The following BSN variants were observed in gnomAD, a reference collection of about 807,000 sequenced individuals.
BSN encodes the protein protein bassoon.
In BSN, 57 loss-of-function variants were observed where a neutral mutation model predicts 264.8. The ratio of observed to expected loss-of-function variants is 0.22; its 90% CI spans 0.17 to 0.27. The LOEUF (loss-of-function observed/expected upper bound fraction) is 0.27. Among genes scored for constraint, BSN ranks in the 10% least tolerant of loss-of-function variants. BSN has a pLI of 1.00. For synonymous variants in BSN, 2,059 were observed against 2,137.3 expected, an observed-to-expected ratio of 0.96 and a Z score of 1.01; for missense variants, 4,615 against 5,232.5, an observed-to-expected ratio of 0.88 and a Z score of 3.64.
intron 1 of BSN, among the ~76,000 whole-genome samples, chr3:49,601,969 C>T (rs892746843): frequency 2.6e-5 from 4 of 152,184 alleles, no homozygotes; most frequent in African/African-American, 9.7e-5. Flanking sequence ...AGCTCACCAT[C>T]ACTGGCCCTG....
At chr3:49,566,126 C>T (rs1045014057) in intron 1 of BSN, among the ~76,000 whole-genome samples, 2 of 152,142 alleles carry the variant, frequency 1.3e-5, no homozygotes, top group African/African-American at 4.8e-5. Context: ...TGCCTGGCCC[C>T]AAAAATGACA....
At chr3:49,640,732 T>G (rs1483255085) in intron 2 of BSN, 1 of 152,226 alleles carries the variant, frequency 6.6e-6, no homozygotes, top group Non-Finnish European at 1.5e-5. Context: ...ACTCCTGACC[T>G]CAAATGATCC....
chr3:49,575,769 G>T (rs2051841542), intron 1 of BSN, among the ~76,000 whole-genome samples: 1 of 150,682 alleles, frequency 6.6e-6, no homozygotes, highest in African/African-American at 2.4e-5. Context: ...TTTTTCTAGT[G>T]CAGTCCATCT....
chr3:49,613,795 G>A (rs185065281), intron 1 of BSN, among the ~76,000 whole-genome samples: 205 of 151,424 alleles, frequency 1.4e-3, no homozygotes, highest in Non-Finnish European at 1.6e-3. Flanking sequence ...GGCATGAACC[G>A]CCATGCCCAG....
At chr3:49,597,818 A>AT (rs1438140681) in intron 1 of BSN, among the ~76,000 whole-genome samples, 1 of 151,230 alleles carries the variant, frequency 6.6e-6, no homozygotes, top group Non-Finnish European at 1.5e-5. Context: ...AATTTTTTGT[A>AT]TTTTTTATTA....
chr3:49,613,725 C>G (rs2052231534), intron 1 of BSN, among the ~76,000 whole-genome samples: 1 of 150,072 alleles, frequency 6.7e-6, no homozygotes, highest in Non-Finnish European at 1.5e-5. Context: ...CCAGGCTGGT[C>G]TCAAACTCCT....
Position 49,585,634 on chromosome 3 carries a change from C to T in BSN, c.224+30808C>T, listed in dbSNP as rs1015442209. ...TCACGTTTCTTCAGCCGCCCCTGGG[C>T]GCTGCGTCTAACCCCAATTTTTAGT... On this transcript the variant is annotated intron_variant, in intron 1 of 11. Coordinates refer to ENST00000296452, the MANE Select transcript of BSN (RefSeq NM_003458.4). This position sits in a 1 kb window ranked among gnomAD's most constrained non-coding sequence, Gnocchi z 4.7. Among the ~76,000 whole-genome samples, 3 of 152,228 alleles carry T rather than the reference C, an allele frequency of 2.0e-5. No individual in the cohort carries two copies. The highest frequency in any genetic ancestry group is 4.4e-5 in the Non-Finnish European group (3 of 68,038).
chr3:49,666,639 G>C (rs933768184), intron 11 of BSN, among the ~76,000 whole-genome samples: 4 of 152,212 alleles, frequency 2.6e-5, no homozygotes, highest in Non-Finnish European at 4.4e-5. Flanking sequence ...TGAGGGAGGA[G>C]GACGACTGCG....
chr3:49,567,287 G>A (rs927964119), intron 1 of BSN, among the ~76,000 whole-genome samples: 1 of 152,064 alleles, frequency 6.6e-6, no homozygotes, highest in African/African-American at 2.4e-5. Flanking sequence ...CTGATTAAGA[G>A]GATATAAAAT....
In BSN at chr3:49,657,530, G is replaced by A; in HGVS notation, c.7974G>A (p.Val2658=). ...CATCATCCAGTGCTGCTGCCACTGT[G>A]AGGGCCATGAGCAGCGTGGGCATCC... The part of the protein sequence containing the change: ...TASSSSAAAT[V]RAMSSVGIQT... Residue 2658 remains valine, a synonymous_variant, in exon 5 of 12, where the codon GTG becomes GTA. Coordinates refer to ENST00000296452, the MANE Select transcript of BSN (RefSeq NM_003458.4). 1.2e-6 allele frequency: 2 copies of A among 1,613,252 alleles called. No individual in the cohort carries two copies. Among genetic ancestry groups the A allele is most frequent in the Admixed American group, 1.7e-5 (1 of 60,028 alleles).
In BSN at chr3:49,661,663, G is replaced by C; in HGVS notation, c.9818G>C (p.Gly3273Ala). The C allele has an allele frequency of 6.2e-7, 1 of 1,613,710 alleles. No homozygotes were observed. Among genetic ancestry groups the C allele is most frequent in the Non-Finnish European group, 8.5e-7 (1 of 1,180,036 alleles). The change falls in exon 6 of 12, where the codon GGT (glycine) becomes GCT (alanine). Residue 3273 changes from glycine (G) to alanine (A), a missense_variant. Coordinates refer to ENST00000296452, the MANE Select transcript of BSN (RefSeq NM_003458.4). ...CCAGGGAAGGAGCCTGGAGAACCAG[G>C]TGTCCTTGACGGGCCCACACTGCCC... The part of the protein sequence containing the change: ...GRPGKEPGEP[G>A]VLDGPTLPCC...
At chr3:49,626,728 C>T (rs1210312980) in intron 2 of BSN, among the ~76,000 whole-genome samples, 1 of 152,248 alleles carries the variant, frequency 6.6e-6, no homozygotes, top group Non-Finnish European at 1.5e-5. Flanking sequence ...GACTGTACCG[C>T]TATGGGACAT....
chr3:49,593,465 A>C (rs2051995909), intron 1 of BSN, among the ~76,000 whole-genome samples: 1 of 152,228 alleles, frequency 6.6e-6, no homozygotes, highest in African/African-American at 2.4e-5. Flanking sequence ...TAGTTTTTAA[A>C]GAAATTGCCA....
intron 1 of BSN, among the ~76,000 whole-genome samples, chr3:49,607,642 C>G (rs900446231): frequency 1.2e-4 from 19 of 152,238 alleles, no homozygotes; most frequent in Non-Finnish European, 2.6e-4. Flanking sequence ...AATCACCACT[C>G]TCAGGCAGAT....
chr3:49,632,059 A>G (rs1277999613), intron 2 of BSN, among the ~76,000 whole-genome samples: 1 of 152,220 alleles, frequency 6.6e-6, no homozygotes, highest in Non-Finnish European at 1.5e-5. Context: ...AAGAGTGCCA[A>G]GACCATTCAG....
intron 5 of BSN, among the ~76,000 whole-genome samples, 168 bp downstream of exon 5, chr3:49,658,364 C>G (rs143679185): frequency 2.2e-4 from 33 of 152,220 alleles, no homozygotes; most frequent in African/African-American, 7.0e-4. Flanking sequence ...TCTGAAAGAG[C>G]CTGCAGCCCG....
intron 1 of BSN, among the ~76,000 whole-genome samples, chr3:49,614,499 G>A (rs774562939): frequency 6.6e-6 from 1 of 152,174 alleles, no homozygotes; most frequent in Non-Finnish European, 1.5e-5. Context: ...AAAGGTAAAC[G>A]CCACATGAAC....
chr3:49,572,635 G>A (rs1380933523), intron 1 of BSN, among the ~76,000 whole-genome samples: 2 of 152,168 alleles, frequency 1.3e-5, no homozygotes, highest in South Asian at 2.1e-4. Context: ...CCGGGTTCAC[G>A]CCATTCTCCT....
chr3:49,662,920 C>T lies in BSN; in HGVS notation c.10762C>T (p.Arg3588Trp), dbSNP rs201685204. 1.2e-5 allele frequency: 19 copies of T among 1,609,212 alleles called. No homozygotes were observed. Among genetic ancestry groups the T allele is most frequent in the Admixed American group, 1.7e-5 (1 of 59,316 alleles). Residue 3588 changes from arginine (R) to tryptophan (W), a missense_variant, in exon 7 of 12, where the codon CGG becomes TGG. Physicochemically the swap from Arg to Trp is moderately radical, Grantham distance 101. Transcript: ENST00000296452. The stretch of plus-strand genomic sequence containing the variant: ...GGAGACGGACTGGTTTGATAAGCCC[C>T]GGGATGCCCGCTCTGACCGGTTCAG... ...QEETDWFDKP[R>W]DARSDRFRHH...
Sources: allele counts gnomAD v4.1 joint callset (sites outside exome capture counted in the v4.1 genomes callset), GRCh38; gene constraint gnomAD v4.1.1; non-coding constraint Gnocchi (gnomAD v3.1); transcripts MANE v1.5; gene names NCBI Gene and HGNC (gene_info 2026-07-23, HGNC 2026-07-21).